The following NELL2 variants were observed in gnomAD, a reference collection of about 807,000 sequenced individuals.
NELL2 encodes protein kinase C-binding protein NELL2.
A neutral mutation model predicts 109.6 loss-of-function variants in NELL2; 41 were observed. The ratio of observed to expected loss-of-function variants is 0.37; its 90% CI spans 0.29 to 0.49. The LOEUF is 0.49. Among genes scored for constraint, NELL2 ranks in the 20% least tolerant of loss-of-function variants. The pLI is 0.98. For missense variants in NELL2, 900 were observed against 1,008.3 expected (o/e 0.89, Z 1.45); for synonymous variants, 355 against 344.7 (o/e 1.03, Z -0.33).
In NELL2 at chr12:44,794,002, T is replaced by A. The variant is rs571312946; in HGVS notation, c.336-13980A>T. Among the ~76,000 whole-genome samples, 225 of 152,300 alleles carry A rather than the reference T, an allele frequency of 1.5e-3. 1 individual carries two copies. The highest frequency in any genetic ancestry group is 4.9e-3 in the African/African-American group (205 of 41,570). On this transcript the variant is annotated intron_variant, in intron 3 of 19. Coordinates refer to ENST00000429094, the MANE Select transcript of NELL2 (RefSeq NM_001145108.2). ...AAACAGTCATATTCACTTCAGGAAA[T>A]CCACTGTTCCCCACTGGATGGAGTC...
intron 15 of NELL2, among the ~76,000 whole-genome samples, chr12:44,548,401 T>C (rs1277792371): frequency 6.6e-6 from 1 of 151,972 alleles, no homozygotes; most frequent in African/African-American, 2.4e-5. Flanking sequence ...AAACATTAGC[T>C]GGGCATGGTA....
chr12:44,586,592 A>G (rs1209577768), intron 15 of NELL2, among the ~76,000 whole-genome samples: 1 of 152,112 alleles, frequency 6.6e-6, no homozygotes, highest in Non-Finnish European at 1.5e-5. Context: ...AACAACTACA[A>G]TGAGGCACTC....
At chr12:44,698,746 C>A (rs1341051066) in intron 12 of NELL2, among the ~76,000 whole-genome samples, 1 of 152,174 alleles carries the variant, frequency 6.6e-6, no homozygotes, top group Non-Finnish European at 1.5e-5. Context: ...AATAAGGCAT[C>A]AATTACCAAT....
intron 15 of NELL2, among the ~76,000 whole-genome samples, chr12:44,552,060 T>C (rs912243314): frequency 6.6e-6 from 1 of 152,176 alleles, no homozygotes; most frequent in East Asian, 1.9e-4. Flanking sequence ...GGAGTTTCCA[T>C]TGCAGCTACT....
intron 15 of NELL2, among the ~76,000 whole-genome samples, chr12:44,538,973 C>T (rs1942420688): frequency 6.6e-6 from 1 of 152,044 alleles, no homozygotes; most frequent in Non-Finnish European, 1.5e-5. Flanking sequence ...TTTTCTCATC[C>T]TCTCACCTGA....
chr12:44,567,518 G>T (rs1272331853), intron 15 of NELL2, among the ~76,000 whole-genome samples: 2 of 152,034 alleles, frequency 1.3e-5, no homozygotes, highest in Non-Finnish European at 2.9e-5. Flanking sequence ...ATGAGAAAAT[G>T]AAAAACAGAG....
At chr12:44,767,106 A>G (rs995458899) in intron 9 of NELL2, among the ~76,000 whole-genome samples, 1 of 152,180 alleles carries the variant, frequency 6.6e-6, no homozygotes, top group African/African-American at 2.4e-5. Context: ...CCACTTTCAT[A>G]TCAGACAAAA....
intron 9 of NELL2, among the ~76,000 whole-genome samples, chr12:44,755,191 A>G (rs10880671): frequency 0.71 from 107,697 of 151,978 alleles, 38,363 homozygotes; most frequent in Non-Finnish European, 0.74. Context: ...CACATGCCCC[A>G]TGGACTTCCC....
chr12:44,843,807 T>C (rs897180073), intron 2 of NELL2, among the ~76,000 whole-genome samples: 1 of 152,046 alleles, frequency 6.6e-6, no homozygotes, highest in Admixed American at 6.6e-5. Context: ...AGATTGCTTA[T>C]GCCCAGGAGT....
intron 12 of NELL2, among the ~76,000 whole-genome samples, chr12:44,684,233 T>C (rs1373674347): frequency 6.6e-6 from 1 of 152,236 alleles, no homozygotes; most frequent in Non-Finnish European, 1.5e-5. Flanking sequence ...TCTCTGATGG[T>C]AGTTTGTATT....
At chr12:44,520,554 C>T (rs1315579136) in intron 18 of NELL2, among the ~76,000 whole-genome samples, 1 of 152,108 alleles carries the variant, frequency 6.6e-6, no homozygotes, top group Non-Finnish European at 1.5e-5. Context: ...AGAGAGGTTT[C>T]AATTTAACGT....
At chr12:44,791,424 G>C (rs1942428617) in intron 3 of NELL2, among the ~76,000 whole-genome samples, 1 of 150,490 alleles carries the variant, frequency 6.6e-6, no homozygotes, top group Admixed American at 6.7e-5. Flanking sequence ...TGGGAACTTG[G>C]GGGGAAGCCT....
chr12:44,590,842 A>C (rs1481808383), intron 15 of NELL2, among the ~76,000 whole-genome samples: 1 of 152,124 alleles, frequency 6.6e-6, no homozygotes, highest in African/African-American at 2.4e-5. Flanking sequence ...CCACCTGCAG[A>C]ATGGAAGAAA....
At chr12:44,742,012 C>T (rs1276930600) in intron 9 of NELL2, among the ~76,000 whole-genome samples, 1 of 152,172 alleles carries the variant, frequency 6.6e-6, no homozygotes, top group Non-Finnish European at 1.5e-5. Flanking sequence ...AGACTGCCTC[C>T]TCAAGTGGGT....
intron 3 of NELL2, among the ~76,000 whole-genome samples, chr12:44,813,024 T>C (rs1305913677): frequency 6.6e-6 from 1 of 152,174 alleles, no homozygotes; most frequent in Non-Finnish European, 1.5e-5. Context: ...TGTATGATTA[T>C]GAGAGGTTTG....
At chr12:44,528,223 TTTTTTTGTTG>T (rs1941894328) in intron 16 of NELL2, among the ~76,000 whole-genome samples, 2 of 151,988 alleles carry the variant, frequency 1.3e-5, no homozygotes, top group East Asian at 1.9e-4. Context: ...CAGAAGAGTT[TTTTTTTGTTG>T]TTTTTTGTTT....
chr12:44,510,145 CATAG>C (rs1188086976), intron 19 of NELL2, among the ~76,000 whole-genome samples: 2 of 152,204 alleles, frequency 1.3e-5, no homozygotes, highest in Non-Finnish European at 2.9e-5. Flanking sequence ...CCAGCTAACT[CATAG>C]ATAATGTTAA....
At chr12:44,625,411 T>C (rs1054247535) in intron 13 of NELL2, among the ~76,000 whole-genome samples, 3 of 152,080 alleles carry the variant, frequency 2.0e-5, no homozygotes, top group Admixed American at 6.6e-5. Context: ...AAAAACAATA[T>C]ATATGTTTGA....
chr12:44,805,531 G>C (rs1337484519), intron 3 of NELL2, among the ~76,000 whole-genome samples: 1 of 151,736 alleles, frequency 6.6e-6, no homozygotes, highest in African/African-American at 2.4e-5. Flanking sequence ...TCATTGTGTT[G>C]GATATTGCAC....
Sources: allele counts gnomAD v4.1 joint callset (sites outside exome capture counted in the v4.1 genomes callset), GRCh38; gene constraint gnomAD v4.1.1; transcripts MANE v1.5; gene names NCBI Gene and HGNC (gene_info 2026-07-23, HGNC 2026-07-21).